GRXCR1: variants seen among roughly 807,000 people sequenced by gnomAD.
GRXCR1 encodes glutaredoxin and cysteine rich domain containing 1.
A neutral mutation model predicts 27.3 loss-of-function variants in GRXCR1; 27 were observed. The ratio of observed to expected loss-of-function variants is 0.99; its 90% CI spans 0.73 to 1.37. The LOEUF (loss-of-function observed/expected upper bound fraction) is 1.37. Ranked by LOEUF, GRXCR1 falls within the 40% of genes most tolerant of loss-of-function variation. The pLI is 0.00. For synonymous variants in GRXCR1, 122 were observed against 131.1 expected (o/e 0.93, Z 0.47); for missense variants, 379 against 354.4 (o/e 1.07, Z -0.56).
intron 1 of GRXCR1, among the ~76,000 whole-genome samples, chr4:42,949,722 A>T (rs1022879725): frequency 6.6e-6 from 1 of 152,182 alleles, no homozygotes; most frequent in Non-Finnish European, 1.5e-5. Context: ...CCTGGAGTTC[A>T]GTGTATTTAG....
chr4:42,965,845 T>A (rs1748225889), intron 2 of GRXCR1, among the ~76,000 whole-genome samples: 1 of 151,992 alleles, frequency 6.6e-6, no homozygotes, highest in Non-Finnish European at 1.5e-5. Context: ...GAGAACATTT[T>A]GTAGCTCCCT....
intron 1 of GRXCR1, among the ~76,000 whole-genome samples, chr4:42,898,132 T>C (rs1746389939): frequency 6.6e-6 from 1 of 151,972 alleles, no homozygotes; most frequent in Non-Finnish European, 1.5e-5. Context: ...ATAACAAACA[T>C]GAAGACTAAA....
chr4:43,011,733 T>C (rs1712757708), intron 2 of GRXCR1, among the ~76,000 whole-genome samples: 1 of 152,210 alleles, frequency 6.6e-6, no homozygotes, highest in African/African-American at 2.4e-5. Context: ...GTTAGTGCTG[T>C]AGTGCCTTAT....
intron 1 of GRXCR1, among the ~76,000 whole-genome samples, chr4:42,897,793 A>G (rs995982599): frequency 6.6e-6 from 1 of 152,004 alleles, no homozygotes; most frequent in Non-Finnish European, 1.5e-5. Flanking sequence ...AAAGAAAGTA[A>G]ATAATTTTTC....
At position 42,959,561 on chromosome 4, in the gene GRXCR1, T is replaced by C. The variant is rs1053328883; in HGVS notation, c.385-3331T>C. Among the ~76,000 whole-genome samples the C allele has an allele frequency of 6.6e-5, 10 of 152,110 alleles. 1 individual carries two copies. Among genetic ancestry groups the C allele is most frequent in the Admixed American group, 5.9e-4 (9 of 15,236 alleles). ...GTTTTAGGCAATTTTACCGCAAAAA[T>C]GTAGCTATGTGGAATAATGTATGTA... On this transcript the variant is annotated intron_variant, in intron 1 of 3. Transcript: ENST00000399770.
rs976953190 is a variant in GRXCR1 at position 42,897,935 on chromosome 4, ATTATTATTATTATTATTATTATTC to A, written c.384+4293_384+4316del. Among the ~76,000 whole-genome samples the A allele has an allele frequency of 8.0e-4, 41 of 51,434 alleles. 1 individual carries two copies. Among genetic ancestry groups the A allele is most frequent in the South Asian group, 4.6e-3 (4 of 864 alleles). 33.7% of individuals were successfully genotyped at this position (51,434 alleles called of 152,430 possible). ...AAAAGTTATTACTATTATTATTATT[ATTATTATTATTATTATTATTATTC>A]TTATTATGTCTGTTTTTAGATAACT... On this transcript the variant is annotated intron_variant, in intron 1 of 3. Coordinates refer to ENST00000399770, the MANE Select transcript of GRXCR1 (RefSeq NM_001080476.3).
chr4:42,896,558 C>A (rs1329981520), intron 1 of GRXCR1, among the ~76,000 whole-genome samples: 1 of 151,966 alleles, frequency 6.6e-6, no homozygotes, highest in Non-Finnish European at 1.5e-5. Flanking sequence ...TGCCAACTCT[C>A]CCAGAGATAA....
chr4:42,934,267 T>C (rs1747403362), intron 1 of GRXCR1, among the ~76,000 whole-genome samples: 1 of 150,844 alleles, frequency 6.6e-6, no homozygotes, highest in Non-Finnish European at 1.5e-5. Context: ...TGTATATATG[T>C]ATCCACACAG....
chr4:42,920,882 A>G (rs1368048080), intron 1 of GRXCR1, among the ~76,000 whole-genome samples: 1 of 151,908 alleles, frequency 6.6e-6, no homozygotes, highest in Non-Finnish European at 1.5e-5. Context: ...AGAGTCCAGT[A>G]CATTATTCCC....
intron 2 of GRXCR1, among the ~76,000 whole-genome samples, chr4:42,988,424 G>A (rs1711850767): frequency 1.3e-5 from 2 of 152,146 alleles, no homozygotes; most frequent in South Asian, 2.1e-4. Context: ...TGTTGGGGTA[G>A]AGCAGAAGTC....
At chr4:42,932,001 T>A (rs559915342) in intron 1 of GRXCR1, among the ~76,000 whole-genome samples, 2 of 151,958 alleles carry the variant, frequency 1.3e-5, no homozygotes, top group Admixed American at 1.3e-4. Flanking sequence ...TCACATCTCG[T>A]GAGACTTATT....
At chr4:42,991,524 G>T (rs1402727802) in intron 2 of GRXCR1, among the ~76,000 whole-genome samples, 1 of 150,498 alleles carries the variant, frequency 6.6e-6, no homozygotes, top group African/African-American at 2.4e-5. Flanking sequence ...TGCTTTCTTT[G>T]CAGTTTAAGG....
chr4:42,897,132 A>C (rs1746364214), intron 1 of GRXCR1, among the ~76,000 whole-genome samples: 1 of 152,196 alleles, frequency 6.6e-6, no homozygotes, highest in South Asian at 2.1e-4. Flanking sequence ...TTATAAAATC[A>C]ACATATAGCT....
chr4:43,014,654 T>C (rs747172185), intron 2 of GRXCR1, among the ~76,000 whole-genome samples: 1 of 152,172 alleles, frequency 6.6e-6, no homozygotes, highest in South Asian at 2.1e-4. Flanking sequence ...CAATCCTCTA[T>C]GTATCTGGCC....
chr4:43,028,926 G>A (rs1713337606), intron 3 of GRXCR1, among the ~76,000 whole-genome samples: 1 of 152,088 alleles, frequency 6.6e-6, no homozygotes, highest in South Asian at 2.1e-4. Flanking sequence ...ACTACTTTCT[G>A]TGATTCAGTG....
chr4:42,967,814 A>G (rs1415236082), intron 2 of GRXCR1, among the ~76,000 whole-genome samples: 1 of 152,070 alleles, frequency 6.6e-6, no homozygotes, highest in Non-Finnish European at 1.5e-5. Context: ...AAGGTTTTCT[A>G]GTCAGGGCCA....
intron 1 of GRXCR1, among the ~76,000 whole-genome samples, chr4:42,916,341 C>T (rs191377548): frequency 5.9e-5 from 9 of 152,054 alleles, no homozygotes; most frequent in South Asian, 4.2e-4. Context: ...AGAGGACCAC[C>T]TAAGAAAACA....
At chr4:42,927,531 A>C (rs1191649886) in intron 1 of GRXCR1, among the ~76,000 whole-genome samples, 1 of 152,042 alleles carries the variant, frequency 6.6e-6, no homozygotes, top group Non-Finnish European at 1.5e-5. Flanking sequence ...GGCATCTTAA[A>C]GAAGTAAAAA....
intron 2 of GRXCR1, among the ~76,000 whole-genome samples, chr4:43,002,611 C>A (rs1712409302): frequency 6.6e-6 from 1 of 152,146 alleles, no homozygotes; most frequent in South Asian, 2.1e-4. Context: ...TTATGTCTTC[C>A]CTTTCTACAT....
Sources: gnomAD v4.1 joint callset for allele counts (sites outside exome capture counted in the v4.1 genomes callset) on GRCh38, gnomAD v4.1.1 for gene constraint, MANE v1.5 for transcripts, NCBI Gene and HGNC (gene_info 2026-07-23, HGNC 2026-07-21) for gene names.